Variants in CFAP90 observed in about 807,000 individuals in gnomAD.
CFAP90 encodes cilia and flagella associated protein 90.
chr5:7,848,470 G>A, the CFAP90 span, among the ~76,000 whole-genome samples: 4 of 152,284 alleles, frequency 2.6e-5, no homozygotes, highest in East Asian at 1.9e-4. Context: ...CATGGATGAC[G>A]TGGCTTAACC....
the CFAP90 span, among the ~76,000 whole-genome samples, chr5:7,834,485 A>G: frequency 6.6e-6 from 1 of 152,100 alleles, no homozygotes; most frequent in South Asian, 2.1e-4. Flanking sequence ...TGAAGAAAAA[A>G]ATTTAAAATA....
the CFAP90 span, among the ~76,000 whole-genome samples, chr5:7,835,859 T>C: frequency 6.6e-6 from 1 of 152,234 alleles, no homozygotes; most frequent in Admixed American, 6.5e-5. Context: ...CCATTCAGGC[T>C]GCTGTAACAA....
At chr5:7,846,236 C>T in the CFAP90 span, among the ~76,000 whole-genome samples, 1 of 152,080 alleles carries the variant, frequency 6.6e-6, no homozygotes. Context: ...ATATTTTTAC[C>T]CAGGATGACT....
chr5:7,842,313 GAA>G, the CFAP90 span, among the ~76,000 whole-genome samples: 151 of 142,280 alleles, frequency 1.1e-3, no homozygotes, highest in African/African-American at 2.8e-3. Flanking sequence ...CTACAAGAAA[GAA>G]AAAAAAAAAA....
chr5:7,836,163 C>T, the CFAP90 span, among the ~76,000 whole-genome samples: 7 of 152,302 alleles, frequency 4.6e-5, no homozygotes, highest in Non-Finnish European at 7.3e-5. Context: ...GAGGCTTCAA[C>T]GTACGAATTT....
the CFAP90 span, chr5:7,831,958 G>C: frequency 6.2e-7 from 1 of 1,614,066 alleles, no homozygotes; most frequent in Non-Finnish European, 8.5e-7. Flanking sequence ...CCCGGTTTAG[G>C]GGCTCAATGG....
At chr5:7,831,211 G>A in the CFAP90 span, 1 of 152,224 alleles carries the variant, frequency 6.6e-6, no homozygotes, top group East Asian at 1.9e-4. Context: ...CAGTAATAGT[G>A]AGCATTGCTG....
the CFAP90 span, among the ~76,000 whole-genome samples, chr5:7,834,679 AT>A: frequency 1.3e-5 from 2 of 152,116 alleles, no homozygotes; most frequent in Admixed American, 6.6e-5. Flanking sequence ...TTTATACTAT[AT>A]TTTTACTGTA....
chr5:7,848,211 GA>G, the CFAP90 span, among the ~76,000 whole-genome samples: 2 of 152,162 alleles, frequency 1.3e-5, no homozygotes, highest in African/African-American at 2.4e-5. Context: ...TGGTGGCAAT[GA>G]GATTGGGAAC....
At chr5:7,846,715 C>G in the CFAP90 span, among the ~76,000 whole-genome samples, 1 of 152,106 alleles carries the variant, frequency 6.6e-6, no homozygotes, top group Non-Finnish European at 1.5e-5. Context: ...TACTACTCAG[C>G]TTGATTAGGG....
chr5:7,831,877 G>A, the CFAP90 span: 81 of 1,613,592 alleles, frequency 5.0e-5, no homozygotes, highest in African/African-American at 5.5e-4. Flanking sequence ...GCCCAAAGCC[G>A]GGTTCCTTGA....
the CFAP90 span, among the ~76,000 whole-genome samples, chr5:7,845,524 C>T: frequency 3.3e-5 from 5 of 152,170 alleles, no homozygotes; most frequent in Admixed American, 6.5e-5. Context: ...TGAGGGAAAG[C>T]GGATTCTAAA....
chr5:7,850,858 C>T, the CFAP90 span: 2 of 1,297,456 alleles, frequency 1.5e-6, no homozygotes, highest in Non-Finnish European at 2.0e-6. Context: ...TCTCCGCGCC[C>T]AGTCCGCGGT....
At chr5:7,843,155 A>C in the CFAP90 span, among the ~76,000 whole-genome samples, 1 of 152,120 alleles carries the variant, frequency 6.6e-6, no homozygotes, top group South Asian at 2.1e-4. Flanking sequence ...GTGATCCAAA[A>C]CAGTTTCCTT....
the CFAP90 span, among the ~76,000 whole-genome samples, chr5:7,836,164 G>C: frequency 1.3e-5 from 2 of 152,166 alleles, no homozygotes; most frequent in South Asian, 4.1e-4. Context: ...AGGCTTCAAC[G>C]TACGAATTTG....
chr5:7,832,840 G>A, the CFAP90 span, among the ~76,000 whole-genome samples: 1 of 152,128 alleles, frequency 6.6e-6, no homozygotes, highest in African/African-American at 2.4e-5. Flanking sequence ...GCTCTGAGAG[G>A]GCTTTTTTCT....
At chr5:7,850,482 C>T in the CFAP90 span, among the ~76,000 whole-genome samples, 10 of 152,062 alleles carry the variant, frequency 6.6e-5, no homozygotes, top group African/African-American at 2.4e-4. Context: ...TCTCTCCAGT[C>T]CCCGGCGGCG....
chr5:7,837,897 A>G, the CFAP90 span, among the ~76,000 whole-genome samples: 2,705 of 152,318 alleles, frequency 0.018, 86 homozygotes, highest in African/African-American at 0.061. Context: ...GCAACCTCCA[A>G]CCAGGAGCTG....
the CFAP90 span, among the ~76,000 whole-genome samples, chr5:7,843,147 G>A: frequency 6.6e-6 from 1 of 152,180 alleles, no homozygotes; most frequent in African/African-American, 2.4e-5. Flanking sequence ...CCCCCAAGGT[G>A]ATCCAAAACA....
Sources: allele counts gnomAD v4.1 joint callset (sites outside exome capture counted in the v4.1 genomes callset), GRCh38; gene constraint gnomAD v4.1.1; transcripts MANE v1.5; gene names NCBI Gene and HGNC (gene_info 2026-07-23, HGNC 2026-07-21).